The following CCSER1 variants were observed in gnomAD, a reference collection of about 807,000 sequenced individuals.
CCSER1 encodes coiled-coil serine rich protein 1.
Under a neutral mutation model 82.0 loss-of-function variants are expected in CCSER1, and 41 were observed. The ratio of observed to expected loss-of-function variants is 0.50; its 90% CI spans 0.39 to 0.65. The LOEUF (loss-of-function observed/expected upper bound fraction) is 0.65. Ranked by LOEUF, CCSER1 falls within the 30% of genes least tolerant of loss-of-function variation. CCSER1 has a pLI of 0.00. For missense variants in CCSER1, 1,119 were observed against 1,064.2 expected, an observed-to-expected ratio of 1.05 and a Z score of -0.72; for synonymous variants, 414 against 383.9, an observed-to-expected ratio of 1.08 and a Z score of -0.92.
intron 10 of CCSER1, among the ~76,000 whole-genome samples, chr4:91,526,480 G>C (rs1003193201): frequency 3.9e-5 from 6 of 152,094 alleles, no homozygotes; most frequent in African/African-American, 1.4e-4. Context: ...TGTGTCATGG[G>C]CCATGAATAA....
chr4:91,333,609 T>C (rs930395604), intron 10 of CCSER1, among the ~76,000 whole-genome samples: 3 of 152,060 alleles, frequency 2.0e-5, no homozygotes, highest in African/African-American at 7.2e-5. Context: ...CAGAATAAAG[T>C]AGAACACCTC....
At chr4:91,447,871 T>A (rs1296009887) in intron 10 of CCSER1, among the ~76,000 whole-genome samples, 1 of 152,136 alleles carries the variant, frequency 6.6e-6, no homozygotes, top group Non-Finnish European at 1.5e-5. Context: ...TTTGACAGCA[T>A]GCTTGTGTCT....
At chr4:90,840,642 A>T (rs571197318) in intron 8 of CCSER1, among the ~76,000 whole-genome samples, 2 of 152,360 alleles carry the variant, frequency 1.3e-5, no homozygotes, top group South Asian at 4.1e-4. Flanking sequence ...CATATATTTT[A>T]TGTCCTCACT....
At chr4:90,611,848 C>T (rs1340519941) in intron 5 of CCSER1, among the ~76,000 whole-genome samples, 2 of 150,078 alleles carry the variant, frequency 1.3e-5, no homozygotes, top group African/African-American at 2.4e-5. Context: ...AATAAAACCA[C>T]TCACGTGGCA....
At position 91,344,332 on chromosome 4, in the gene CCSER1, G is replaced by A. The variant is rs184504667; in HGVS notation, c.2218-254240G>A. Among the ~76,000 whole-genome samples the A allele has an allele frequency of 2.0e-5, 3 of 152,270 alleles. No homozygotes were observed. The East Asian group carries it at 5.8e-4, about 29-fold the overall frequency. On this transcript the variant is annotated intron_variant, in intron 10 of 10. Coordinates refer to ENST00000509176, the MANE Select transcript of CCSER1 (RefSeq NM_001145065.2). ...GTGAGAAATTTTTATAAGTTACACA[G>A]TCTAAGTTATTTTGTTACATCAGCC... is the stretch of plus-strand genomic sequence containing the variant.
At chr4:91,334,890 C>A (rs1242019379) in intron 10 of CCSER1, among the ~76,000 whole-genome samples, 3 of 151,018 alleles carry the variant, frequency 2.0e-5, no homozygotes, top group African/African-American at 7.3e-5. Flanking sequence ...TTATTCAGGT[C>A]AGTAAAAACT....
chr4:90,309,512 A>T lies in CCSER1; in HGVS notation c.1228A>T (p.Ile410Phe), dbSNP rs376784766. 45 of 1,613,508 alleles carry T rather than the reference A, an allele frequency of 2.8e-5. No individual in the cohort carries two copies. Among genetic ancestry groups the T allele is most frequent in the Non-Finnish European group, 1.6e-5 (19 of 1,179,702 alleles). Reference protein sequence around the residue: ...HKAIAEHVKGIHPISDSKIIP... With the variant: ...HKAIAEHVKGFHPISDSKIIP... ...AGCAATAGCGGAACATGTAAAAGGG[A>T]TCCATCCTATTTCAGATTCAAAGAT... Residue 410 changes from isoleucine (I) to phenylalanine (F), a missense_variant, in exon 2 of 11, where the codon ATC becomes TTC. Coordinates refer to ENST00000509176, the MANE Select transcript of CCSER1 (RefSeq NM_001145065.2).
intron 5 of CCSER1, among the ~76,000 whole-genome samples, chr4:90,592,587 T>A (rs939680819): frequency 1.3e-5 from 2 of 152,182 alleles, no homozygotes; most frequent in African/African-American, 4.8e-5. Flanking sequence ...TTAATCTTAA[T>A]ATTTCTAATC....
intron 6 of CCSER1, among the ~76,000 whole-genome samples, chr4:90,655,271 G>T (rs1239028177): frequency 6.6e-6 from 1 of 151,890 alleles, no homozygotes; most frequent in African/African-American, 2.4e-5. Context: ...CATATCAGCT[G>T]CTCTCTTTAA....
chr4:90,513,976 T>A (rs1771905776), intron 5 of CCSER1, among the ~76,000 whole-genome samples: 1 of 151,928 alleles, frequency 6.6e-6, no homozygotes, highest in African/African-American at 2.4e-5. Context: ...AATAGGGGGA[T>A]CGGAGAGAAA....
intron 4 of CCSER1, 102 bp downstream of exon 4, chr4:90,400,231 G>C: frequency 2.0e-6 from 1 of 499,542 alleles, no homozygotes. Flanking sequence ...ATCTTTTCAG[G>C]CCTCAGTTTT....
At chr4:91,010,823 G>T in intron 9 of CCSER1, among the ~76,000 whole-genome samples, 1 of 133,568 alleles carries the variant, frequency 7.5e-6, no homozygotes, top group African/African-American at 2.5e-5. Flanking sequence ...TTGTTTTCTG[G>T]ATTTCATTAA....
At chr4:91,109,688 T>G (rs1725931410) in intron 10 of CCSER1, among the ~76,000 whole-genome samples, 1 of 152,074 alleles carries the variant, frequency 6.6e-6, no homozygotes. Flanking sequence ...TTTAAGAATA[T>G]GGCAAATAAA....
chr4:90,241,204 T>G (rs1449741202), intron 1 of CCSER1, among the ~76,000 whole-genome samples: 2 of 152,140 alleles, frequency 1.3e-5, no homozygotes, highest in Non-Finnish European at 2.9e-5. Context: ...CAACCACTAT[T>G]GTGGTTTAGG....
chr4:91,574,439 C>T (rs1560774344), intron 10 of CCSER1, among the ~76,000 whole-genome samples: 1 of 151,976 alleles, frequency 6.6e-6, no homozygotes, highest in Non-Finnish European at 1.5e-5. Flanking sequence ...AAAACACATG[C>T]ACTCGTATGT....
At chr4:91,115,632 G>A (rs931127043) in intron 10 of CCSER1, among the ~76,000 whole-genome samples, 26 of 151,686 alleles carry the variant, frequency 1.7e-4, no homozygotes, top group South Asian at 8.3e-4. Flanking sequence ...TGTTATGTAC[G>A]CCTTCCATCT....
At chr4:91,279,921 A>G (rs1468085008) in intron 10 of CCSER1, among the ~76,000 whole-genome samples, 1 of 151,994 alleles carries the variant, frequency 6.6e-6, no homozygotes, top group Non-Finnish European at 1.5e-5. Context: ...TTTCCTGAAG[A>G]TGTATCTGTG....
At chr4:90,192,529 G>A (rs1445926029) in intron 1 of CCSER1, among the ~76,000 whole-genome samples, 1 of 152,064 alleles carries the variant, frequency 6.6e-6, no homozygotes, top group Non-Finnish European at 1.5e-5. Flanking sequence ...CCATTGCCGT[G>A]CAGTAGTTGT....
At chr4:90,932,986 A>ACGAAAG (rs1561385193) in intron 9 of CCSER1, among the ~76,000 whole-genome samples, 1 of 29,166 alleles carries the variant, frequency 3.4e-5, no homozygotes, top group Non-Finnish European at 6.7e-5. Context: ...AAGAAAGAGA[A>ACGAAAG]AGAAAGAAAG....
Sources: gnomAD v4.1 joint callset for allele counts (sites outside exome capture counted in the v4.1 genomes callset) on GRCh38, gnomAD v4.1.1 for gene constraint, MANE v1.5 for transcripts, NCBI Gene and HGNC (gene_info 2026-07-23, HGNC 2026-07-21) for gene names.